The following ADCY8 variants were observed in gnomAD, a reference collection of about 807,000 sequenced individuals.
The protein encoded by ADCY8 is adenylate cyclase 8, also known as adenylate cyclase type 8.
A neutral mutation model predicts 119.7 loss-of-function variants in ADCY8; 51 were observed. That is an observed-to-expected ratio of 0.43 (90% CI 0.34 to 0.54). The LOEUF is 0.54. Ranked by LOEUF, ADCY8 falls within the 20% of genes least tolerant of loss-of-function variation. The pLI is 0.03. For synonymous variants in ADCY8, 665 were observed against 651.0 expected (o/e 1.02, Z -0.33); for missense variants, 1,383 against 1,598.8 (o/e 0.87, Z 2.30).
chr8:130,921,449 C>CTTTTTT (rs35570520), intron 5 of ADCY8, among the ~76,000 whole-genome samples: 79 of 107,586 alleles, frequency 7.3e-4, no homozygotes, highest in Middle Eastern at 5.2e-3. Flanking sequence ...TTTTTCTTTT[C>CTTTTTT]TTTTTTTTTT....
rs1161136558 is a variant in ADCY8, at chr8:130,992,382, C to CATATATATAT, written c.961-1850_961-1841dup. 3.6e-3 allele frequency among the ~76,000 whole-genome samples: 281 copies of CATATATATAT among 77,968 alleles called. 44 individuals are homozygous for CATATATATAT. Among genetic ancestry groups the CATATATATAT allele is most frequent in the Middle Eastern group, 0.014 (2 of 140 alleles). The allele number at this position is 77,968 out of a possible 152,430, so 51.2% of individuals were successfully genotyped here. A position where few individuals can be genotyped will look rare whatever the true frequency, so the allele number is the denominator to read the frequency against. ...TACATACATGAGCAACTGTATCTGG[C>CATATATATAT]ATATATATATATATATATATATATA... On this transcript the variant is annotated intron_variant, in intron 1 of 17. Coordinates refer to ENST00000286355, the MANE Select transcript of ADCY8 (RefSeq NM_001115.3).
intron 14 of ADCY8, among the ~76,000 whole-genome samples, chr8:130,807,467 G>A (rs1227121972): frequency 6.6e-6 from 1 of 152,216 alleles, no homozygotes; most frequent in Admixed American, 6.5e-5. Context: ...GTGACTAAGT[G>A]ATAAAGGTGG....
chr8:130,847,535 AAAAG>A (rs745740454), intron 10 of ADCY8, 22 bp from the exon 11 acceptor site: 12 of 1,573,172 alleles, frequency 7.6e-6, no homozygotes, highest in African/African-American at 2.8e-5. Flanking sequence ...AAAAAAAAAA[AAAAG>A]AACAACAAAA....
rs544635095 is a variant in ADCY8, at chr8:130,847,469, A to C, written c.2457T>G (p.Thr819=). 1 of 1,613,420 alleles carries C rather than the reference A, an allele frequency of 6.2e-7. No homozygotes were observed. Among genetic ancestry groups the C allele is most frequent in the African/African-American group, 1.3e-5 (1 of 74,878 alleles). The change falls in exon 11 of 18, where the codon ACT becomes ACG. Residue 819 remains threonine, a synonymous_variant. Transcript: ENST00000286355. ...FDKSIPLKNL[T]FNSSAVFTDI... is the part of the protein sequence containing the mutation. ...CTGTAAACACAGCTGAGGAATTGAA[A>C]GTCAGGTTCTTCAAGGGTATCGACT... is the stretch of plus-strand genomic sequence containing the variant.
At chr8:130,805,893 T>C (rs1295265309) in intron 14 of ADCY8, among the ~76,000 whole-genome samples, 3 of 152,098 alleles carry the variant, frequency 2.0e-5, no homozygotes, top group Non-Finnish European at 4.4e-5. Flanking sequence ...AACAGGTCCA[T>C]GAGGATACAA....
At chr8:130,805,643 A>C (rs1543020) in intron 14 of ADCY8, among the ~76,000 whole-genome samples, 34,387 of 152,052 alleles carry the variant, frequency 0.23, 5,945 homozygotes, top group African/African-American at 0.49. Context: ...TGAAGACCAA[A>C]CCCCCAACAC....
chr8:130,909,902 A>G, intron 5 of ADCY8, 36 bp from the exon 6 acceptor site: 1 of 1,600,494 alleles, frequency 6.2e-7, no homozygotes, highest in South Asian at 1.1e-5. Context: ...CACATGTATA[A>G]GACCAGAGTG....
At chr8:130,811,625 T>C (rs945084690) in intron 14 of ADCY8, among the ~76,000 whole-genome samples, 6 of 152,152 alleles carry the variant, frequency 3.9e-5, no homozygotes, top group African/African-American at 1.4e-4. Context: ...AGCAAGGGGT[T>C]AGCTTTCCCA....
At chr8:130,816,088 A>G (rs1266536156) in intron 13 of ADCY8, among the ~76,000 whole-genome samples, 2 of 152,332 alleles carry the variant, frequency 1.3e-5, no homozygotes, top group East Asian at 3.9e-4. Flanking sequence ...GACAGTTCAG[A>G]TAGCTTCTTT....
At chr8:130,831,814 G>A (rs1399174610) in intron 12 of ADCY8, among the ~76,000 whole-genome samples, 4 of 152,198 alleles carry the variant, frequency 2.6e-5, no homozygotes, top group African/African-American at 9.6e-5. Context: ...GAGGACATCA[G>A]TCCAGAGATG....
chr8:130,781,376 C>G (rs758340570), intron 17 of ADCY8, among the ~76,000 whole-genome samples: 13 of 152,158 alleles, frequency 8.5e-5, no homozygotes, highest in Non-Finnish European at 1.8e-4. Context: ...AACTGTCCTC[C>G]CTGTCTCCTC....
intron 2 of ADCY8, among the ~76,000 whole-genome samples, chr8:130,958,245 G>T (rs1262299517): frequency 3.9e-5 from 6 of 152,216 alleles, no homozygotes; most frequent in Non-Finnish European, 8.8e-5. Context: ...ATAAGCAAGT[G>T]GGTAGTAAAA....
chr8:130,872,936 A>T (rs1348824137), intron 8 of ADCY8, among the ~76,000 whole-genome samples: 1 of 152,222 alleles, frequency 6.6e-6, no homozygotes, highest in Non-Finnish European at 1.5e-5. Context: ...GCCCTGAATT[A>T]TCTTGAAAGA....
At chr8:130,982,823 G>A (rs920123001) in intron 2 of ADCY8, among the ~76,000 whole-genome samples, 1 of 152,168 alleles carries the variant, frequency 6.6e-6, no homozygotes, top group South Asian at 2.1e-4. Flanking sequence ...TCATTAATGA[G>A]ATATTTTGCA....
At chr8:131,028,666 T>G (rs1823897492) in intron 1 of ADCY8, among the ~76,000 whole-genome samples, 1 of 152,186 alleles carries the variant, frequency 6.6e-6, no homozygotes, top group African/African-American at 2.4e-5. Flanking sequence ...TTTTTAGAAG[T>G]CTGTAGATAA....
Position 130,857,310 on chromosome 8 carries a change from CA to C in ADCY8, c.2211-7508del, listed in dbSNP as rs1471952446. 3.9e-4 allele frequency among the ~76,000 whole-genome samples: 55 copies of C among 139,476 alleles called. 1 individual carries two copies. Among genetic ancestry groups the C allele is most frequent in the Non-Finnish European group, 7.2e-4 (47 of 65,472 alleles). 91.5% of individuals were successfully genotyped at this position (139,476 alleles called of 152,430 possible). A position where few individuals can be genotyped will look rare whatever the true frequency, so the allele number is the denominator to read the frequency against. Reference sequence around the variant, plus strand: ...CTGTCCCAATGATAATCCTCTCTGTCAACCCCCATTAATCACTTTCCATTTC... The same window carrying C: ...CTGTCCCAATGATAATCCTCTCTGTCACCCCCATTAATCACTTTCCATTTC... On this transcript the variant is annotated intron_variant, in intron 9 of 17. Transcript: ENST00000286355.
At chr8:130,986,641 A>G (rs955955621) in intron 2 of ADCY8, among the ~76,000 whole-genome samples, 4 of 152,234 alleles carry the variant, frequency 2.6e-5, no homozygotes, top group African/African-American at 9.6e-5. Flanking sequence ...GAGACACATT[A>G]GGAGGGAGGT....
At chr8:130,801,140 G>A (rs1815764206) in intron 14 of ADCY8, among the ~76,000 whole-genome samples, 1 of 152,140 alleles carries the variant, frequency 6.6e-6, no homozygotes, top group Admixed American at 6.5e-5. Flanking sequence ...GAAAATTCAT[G>A]GTCTCCAGCC....
At chr8:130,987,267 T>C (rs1348378428) in intron 2 of ADCY8, among the ~76,000 whole-genome samples, 4 of 152,116 alleles carry the variant, frequency 2.6e-5, no homozygotes, top group African/African-American at 9.7e-5. Context: ...TTTTTTTCGA[T>C]AGCCTTCTGC....
Sources: gnomAD v4.1 joint callset for allele counts (sites outside exome capture counted in the v4.1 genomes callset) on GRCh38, gnomAD v4.1.1 for gene constraint, MANE v1.5 for transcripts, NCBI Gene and HGNC (gene_info 2026-07-23, HGNC 2026-07-21) for gene names.